Variants in PTPRD observed in about 807,000 individuals in gnomAD.
The protein encoded by PTPRD is protein tyrosine phosphatase receptor type D.
PTPRD carries 34 observed loss-of-function variants against 214.5 expected under a neutral mutation model. That is an observed-to-expected ratio of 0.16 (90% CI 0.12 to 0.21). PTPRD has a LOEUF of 0.21. PTPRD is among the 10% of genes least tolerant of loss of function. The pLI is 1.00. For synonymous variants in PTPRD, 1,128 were observed against 845.7 expected (o/e 1.33, Z -5.79); for missense variants, 2,545 against 2,398.7 (o/e 1.06, Z -1.27).
intron 14 of PTPRD, among the ~76,000 whole-genome samples, chr9:8,597,827 C>T (rs941183453): frequency 2.6e-5 from 4 of 152,126 alleles, no homozygotes; most frequent in Non-Finnish European, 5.9e-5. Flanking sequence ...TTTCACTCTT[C>T]ATTAACCTCC....
intron 9 of PTPRD, among the ~76,000 whole-genome samples, chr9:9,267,503 T>C (rs1262199309): frequency 1.3e-5 from 2 of 151,164 alleles, no homozygotes; most frequent in African/African-American, 2.4e-5. Context: ...TCTTCTCAAA[T>C]TGTTACAAGA....
chr9:9,462,429 A>G (rs1249276959), intron 8 of PTPRD, among the ~76,000 whole-genome samples: 2 of 152,172 alleles, frequency 1.3e-5, no homozygotes, highest in African/African-American at 4.8e-5. Context: ...TAAATGATTC[A>G]CCAGAAGTCA....
At chr9:8,376,389 G>C (rs2083259251) in intron 38 of PTPRD, among the ~76,000 whole-genome samples, 1 of 151,944 alleles carries the variant, frequency 6.6e-6, no homozygotes, top group Non-Finnish European at 1.5e-5. Context: ...ACTCTTCATT[G>C]GCTGAAACTT....
At chr9:9,706,398 T>A (rs2097607843) in intron 7 of PTPRD, among the ~76,000 whole-genome samples, 1 of 152,124 alleles carries the variant, frequency 6.6e-6, no homozygotes, top group Admixed American at 6.6e-5. Flanking sequence ...ATTGTACTAT[T>A]GTTATTTACA....
At chr9:9,477,502 A>C (rs2095146134) in intron 8 of PTPRD, among the ~76,000 whole-genome samples, 1 of 152,236 alleles carries the variant, frequency 6.6e-6, no homozygotes, top group Admixed American at 6.5e-5. Flanking sequence ...AATGCTTTTT[A>C]AAGTTCTGAT....
chr9:10,210,394 G>T (rs537309312), intron 3 of PTPRD, among the ~76,000 whole-genome samples: 2 of 152,104 alleles, frequency 1.3e-5, no homozygotes, highest in Non-Finnish European at 2.9e-5. Context: ...CAGAAAATAT[G>T]GAAACAATTA....
intron 5 of PTPRD, among the ~76,000 whole-genome samples, chr9:9,770,413 A>G (rs1195303544): frequency 6.6e-6 from 1 of 152,176 alleles, no homozygotes; most frequent in African/African-American, 2.4e-5. Flanking sequence ...ATTTACACCA[A>G]AATAACAACT....
intron 5 of PTPRD, among the ~76,000 whole-genome samples, chr9:9,868,372 T>C (rs1043494762): frequency 5.3e-5 from 8 of 152,252 alleles, no homozygotes; most frequent in Non-Finnish European, 1.0e-4. Context: ...ATAAGAATTT[T>C]TTAACTAAAA....
chr9:8,513,480 G>T (rs1238736615), intron 21 of PTPRD, among the ~76,000 whole-genome samples: 2 of 151,984 alleles, frequency 1.3e-5, no homozygotes, highest in East Asian at 1.9e-4. Context: ...CAGAATGAAA[G>T]ATAATAAAAT....
chr9:10,380,789 T>A (rs1030597585), intron 2 of PTPRD, among the ~76,000 whole-genome samples: 1 of 151,990 alleles, frequency 6.6e-6, no homozygotes. Flanking sequence ...CACAACAATT[T>A]CCATTTTTTT....
rs1268016517 is a variant in PTPRD, at chr9:8,460,473, T to C, written c.3813A>G (p.Val1271=). Residue 1271 remains valine (V), a synonymous_variant, in exon 33 of 46, where the codon GTA becomes GTG. Coordinates refer to ENST00000381196, the MANE Select transcript of PTPRD (RefSeq NM_002839.4). ...TDEEEGLIWV[V]GPVLAVVFII... is the part of the protein sequence containing the mutation. ...TAAAGACCACTGCAAGGACAGGACC[T>C]ACAACCCAGATCAAGCCTTCTTCTT... 6.2e-7 allele frequency: 1 copy of C among 1,613,564 alleles called. No individual in the cohort carries two copies. The highest frequency in any genetic ancestry group is 1.1e-5 in the South Asian group (1 of 91,070).
At chr9:9,777,777 G>C (rs181632356) in intron 5 of PTPRD, among the ~76,000 whole-genome samples, 1 of 152,056 alleles carries the variant, frequency 6.6e-6, no homozygotes, top group Non-Finnish European at 1.5e-5. Context: ...AGGTTTTAAT[G>C]GTTTTTTTTG....
At chr9:10,086,504 C>T (rs1590766182) in intron 3 of PTPRD, among the ~76,000 whole-genome samples, 1 of 151,766 alleles carries the variant, frequency 6.6e-6, no homozygotes, top group South Asian at 2.1e-4. Context: ...TTAGATAGGT[C>T]TGTGCTTGAC....
chr9:8,503,190 A>C (rs1212745388), intron 23 of PTPRD, among the ~76,000 whole-genome samples: 1 of 152,086 alleles, frequency 6.6e-6, no homozygotes, highest in Non-Finnish European at 1.5e-5. Flanking sequence ...AAAGTTTTCA[A>C]GTTTCTATAG....
chr9:9,881,983 C>T (rs775557349), intron 5 of PTPRD, among the ~76,000 whole-genome samples: 1 of 152,018 alleles, frequency 6.6e-6, no homozygotes, highest in South Asian at 2.1e-4. Flanking sequence ...ACTTCCATTG[C>T]TTTTCTCAAT....
At chr9:10,257,840 T>C (rs367590191) in intron 3 of PTPRD, among the ~76,000 whole-genome samples, 6 of 152,324 alleles carry the variant, frequency 3.9e-5, no homozygotes, top group South Asian at 2.1e-4. Context: ...AAGATGCTAA[T>C]GGTCATATGC....
intron 2 of PTPRD, among the ~76,000 whole-genome samples, chr9:10,414,887 A>C (rs973026324): frequency 3.9e-5 from 6 of 151,928 alleles, no homozygotes; most frequent in Middle Eastern, 6.8e-3. Flanking sequence ...ATGAGAACTC[A>C]TGGATACAAA....
chr9:9,978,310 GA>G (rs2095428719), intron 4 of PTPRD, among the ~76,000 whole-genome samples: 1 of 152,062 alleles, frequency 6.6e-6, no homozygotes, highest in South Asian at 2.1e-4. Context: ...AAAAAAGGTG[GA>G]GAACATAGAT....
intron 2 of PTPRD, among the ~76,000 whole-genome samples, chr9:10,538,812 T>A (rs1432271905): frequency 6.6e-6 from 1 of 152,202 alleles, no homozygotes; most frequent in Non-Finnish European, 1.5e-5. Flanking sequence ...ATACAGATCT[T>A]ATAATTGAAA....
Sources: gnomAD v4.1 joint callset for allele counts (sites outside exome capture counted in the v4.1 genomes callset) on GRCh38, gnomAD v4.1.1 for gene constraint, MANE v1.5 for transcripts, NCBI Gene and HGNC (gene_info 2026-07-23, HGNC 2026-07-21) for gene names.